ACAD11: variants seen among roughly 807,000 people sequenced by gnomAD.
The protein encoded by ACAD11 is acyl-Coenzyme A dehydrogenase family, member 11.
ACAD11 carries 83 observed loss-of-function variants against 102.2 expected under a neutral mutation model. The ratio of observed to expected loss-of-function variants is 0.81; its 90% CI spans 0.68 to 0.97. The LOEUF (loss-of-function observed/expected upper bound fraction) is 0.97. Among genes scored for constraint, ACAD11 ranks in the 50% least tolerant of loss-of-function variants. ACAD11 has a pLI of 0.00. For synonymous variants in ACAD11, 324 were observed against 319.8 expected, an observed-to-expected ratio of 1.01 and a Z score of -0.14; for missense variants, 901 against 951.7, an observed-to-expected ratio of 0.95 and a Z score of 0.70.
intron 13 of ACAD11, among the ~76,000 whole-genome samples, chr3:132,591,104 C>T (rs555607479): frequency 1.9e-4 from 29 of 152,196 alleles, no homozygotes; most frequent in African/African-American, 5.1e-4. Context: ...GACAGTATTG[C>T]CTAGGTCATC....
chr3:132,597,110 T>A (rs1260271861), intron 13 of ACAD11: 1 of 152,190 alleles, frequency 6.6e-6, no homozygotes, highest in African/African-American at 2.4e-5. Context: ...TTTTCTCAAA[T>A]TTGTAACCTA....
chr3:132,589,161 T>C (rs1185474118), intron 13 of ACAD11, among the ~76,000 whole-genome samples: 1 of 152,218 alleles, frequency 6.6e-6, no homozygotes, highest in East Asian at 1.9e-4. Context: ...TGGTGCCTTG[T>C]TCTTAGACTT....
chr3:132,561,758 CCA>C (rs1937065634), intron 17 of ACAD11, among the ~76,000 whole-genome samples: 1 of 152,148 alleles, frequency 6.6e-6, no homozygotes, highest in Non-Finnish European at 1.5e-5. Context: ...ATTGGAATAA[CCA>C]CAGTCAAGAA....
chr3:132,615,911 T>C (rs1219732696), intron 11 of ACAD11, among the ~76,000 whole-genome samples: 2 of 152,166 alleles, frequency 1.3e-5, no homozygotes, highest in Admixed American at 1.3e-4. Flanking sequence ...GTATGACTTA[T>C]TGAAGGGGGG....
chr3:132,621,246 G>C (rs1286225243), intron 9 of ACAD11: 1 of 152,142 alleles, frequency 6.6e-6, no homozygotes, highest in Non-Finnish European at 1.5e-5. Context: ...CTTAGAAAGA[G>C]GAGGTTGCCT....
intron 15 of ACAD11, among the ~76,000 whole-genome samples, chr3:132,577,743 T>A (rs769181406): frequency 6.6e-6 from 1 of 152,208 alleles, no homozygotes; most frequent in Non-Finnish European, 1.5e-5. Flanking sequence ...ACACTGTTTC[T>A]TTTGGCCCTG....
intron 17 of ACAD11, 152 bp downstream of exon 17, chr3:132,575,620 A>G (rs1937511229): frequency 4.3e-6 from 4 of 935,636 alleles, no homozygotes; most frequent in South Asian, 1.8e-5. Context: ...ACCTCTCATT[A>G]GACTATATTT....
intron 5 of ACAD11, among the ~76,000 whole-genome samples, chr3:132,632,034 T>G (rs1286804403): frequency 1.3e-5 from 2 of 152,056 alleles, no homozygotes; most frequent in Non-Finnish European, 2.9e-5. Flanking sequence ...AACAGAAAGC[T>G]TCCCTCATTC....
intron 11 of ACAD11, among the ~76,000 whole-genome samples, chr3:132,617,286 T>A (rs960601558): frequency 6.6e-6 from 1 of 152,198 alleles, no homozygotes; most frequent in African/African-American, 2.4e-5. Context: ...GCTGGGAATC[T>A]AGATTTTTCA....
At chr3:132,639,065 G>C (rs1940382328) in intron 5 of ACAD11, among the ~76,000 whole-genome samples, 1 of 152,018 alleles carries the variant, frequency 6.6e-6, no homozygotes, top group Non-Finnish European at 1.5e-5. Context: ...AGAAGCTTTT[G>C]GAATTCTCTA....
rs374659471 is a variant in ACAD11 at position 132,575,764 on chromosome 3, G to A, written c.2001+8C>T. The A allele has an allele frequency of 1.7e-5, 28 of 1,613,498 alleles. No homozygotes were observed. Among genetic ancestry groups the A allele is most frequent in the East Asian group, 8.9e-5 (4 of 44,840 alleles). ...CTACAATAAATTCAAATAAGTAATC[G>A]TCCTCACATGTGCATACAACTTCTT... is the stretch of plus-strand genomic sequence containing the variant. On this transcript the variant is annotated splice_region_variant and intron_variant, in intron 17 of 19. Coordinates refer to ENST00000264990, the MANE Select transcript of ACAD11 (RefSeq NM_032169.5).
intron 5 of ACAD11, among the ~76,000 whole-genome samples, chr3:132,635,650 C>T (rs543661298): frequency 2.1e-4 from 32 of 152,160 alleles, no homozygotes; most frequent in South Asian, 1.7e-3. Flanking sequence ...ATTAAATGGG[C>T]GGGTAGCACA....
At chr3:132,639,701 T>C in intron 4 of ACAD11, 45 bp from the exon 5 acceptor site, 1 of 1,558,802 alleles carries the variant, frequency 6.4e-7, no homozygotes, top group South Asian at 1.2e-5. Flanking sequence ...GAAACTGGAA[T>C]GTAGGATCTA....
chr3:132,582,816 A>C (rs1326936847), intron 13 of ACAD11, among the ~76,000 whole-genome samples: 1 of 152,142 alleles, frequency 6.6e-6, no homozygotes, highest in Non-Finnish European at 1.5e-5. Context: ...AAACCGACTT[A>C]GAACTTGAAT....
intron 11 of ACAD11, among the ~76,000 whole-genome samples, chr3:132,610,549 C>T (rs182361620): frequency 9.9e-5 from 15 of 152,084 alleles, no homozygotes; most frequent in African/African-American, 2.2e-4. Flanking sequence ...ATATCACCAC[C>T]GATCCCACAG....
chr3:132,579,067 A>C (rs576923745), intron 14 of ACAD11, 186 bp from the exon 15 acceptor site: 3 of 1,495,778 alleles, frequency 2.0e-6, no homozygotes, highest in Non-Finnish European at 2.7e-6. Flanking sequence ...CTGGAACAGA[A>C]ACAATGATTT....
At position 132,628,397 on chromosome 3, in the gene ACAD11, A is replaced by G; in HGVS notation, c.1013T>C (p.Phe338Ser). The G allele has an allele frequency of 6.2e-7, 1 of 1,613,288 alleles. No homozygotes were observed. Among genetic ancestry groups the G allele is most frequent in the East Asian group, 2.2e-5 (1 of 44,784 alleles). ...LLGNNSSEDS[F>S]LFANIVQPLA... ...AGGTTGCACAATATTGGCAAATAAA[A>G]AGCTATCCTCAGATGAATTATTTCC... Residue 338 changes from phenylalanine to serine, a missense_variant, in exon 8 of 20, where the codon TTT (phenylalanine) becomes TCT (serine). Transcript: ENST00000264990.
At chr3:132,658,096 C>CA (rs1937914890) in intron 1 of ACAD11, among the ~76,000 whole-genome samples, 1 of 152,154 alleles carries the variant, frequency 6.6e-6, no homozygotes, top group African/African-American at 2.4e-5. Context: ...CTCCTGACCT[C>CA]AAGTGATCCA....
chr3:132,611,813 A>G (rs1939164818), intron 11 of ACAD11, among the ~76,000 whole-genome samples: 1 of 152,068 alleles, frequency 6.6e-6, no homozygotes, highest in Admixed American at 6.6e-5. Flanking sequence ...GGTAATTTAT[A>G]GATTCAATGC....
Sources: allele counts gnomAD v4.1 joint callset (sites outside exome capture counted in the v4.1 genomes callset), GRCh38; gene constraint gnomAD v4.1.1; transcripts MANE v1.5; gene names NCBI Gene and HGNC (gene_info 2026-07-23, HGNC 2026-07-21).